The following SLCO2A1 variants were observed in gnomAD, a reference collection of about 807,000 sequenced individuals.
SLCO2A1 encodes the protein matrin F/G 1.
Under a neutral mutation model 71.7 loss-of-function variants are expected in SLCO2A1, and 60 were observed. The observed-to-expected ratio is 0.84, with a 90% CI of 0.68 to 1.04. The LOEUF is 1.04. Ranked by LOEUF, SLCO2A1 falls within the 50% of genes least tolerant of loss-of-function variation. The pLI, the probability that SLCO2A1 is intolerant of heterozygous loss-of-function variation, is 0.00. For synonymous variants in SLCO2A1, 308 were observed against 326.7 expected, an observed-to-expected ratio of 0.94 and a Z score of 0.62; for missense variants, 745 against 813.4, an observed-to-expected ratio of 0.92 and a Z score of 1.02.
chr3:133,962,882 T>C (rs1382538876), intron 3 of SLCO2A1, among the ~76,000 whole-genome samples: 1 of 152,310 alleles, frequency 6.6e-6, no homozygotes, highest in East Asian at 1.9e-4. Context: ...CACAGCCACC[T>C]GCCCCTATCT....
chr3:133,964,916 C>A (rs1934128535), intron 3 of SLCO2A1, among the ~76,000 whole-genome samples: 1 of 152,194 alleles, frequency 6.6e-6, no homozygotes, highest in African/African-American at 2.4e-5. Context: ...CTGGCACCAG[C>A]ACCTGGCTCG....
At chr3:133,948,078 A>G (rs1933633880) in intron 8 of SLCO2A1, among the ~76,000 whole-genome samples, 1 of 152,124 alleles carries the variant, frequency 6.6e-6, no homozygotes, top group Non-Finnish European at 1.5e-5. Flanking sequence ...GTGTTTTGTA[A>G]AGCTCTCCAG....
At chr3:134,013,906 T>C (rs1935390058) in intron 1 of SLCO2A1, among the ~76,000 whole-genome samples, 1 of 152,060 alleles carries the variant, frequency 6.6e-6, no homozygotes, top group African/African-American at 2.4e-5. Flanking sequence ...CTCACGCACC[T>C]TGTCCTACCC....
intron 1 of SLCO2A1, among the ~76,000 whole-genome samples, chr3:134,016,227 T>C (rs989827769): frequency 6.6e-6 from 1 of 151,490 alleles, no homozygotes; most frequent in Non-Finnish European, 1.5e-5. Flanking sequence ...AAATACCTTG[T>C]TAAGAGGATG....
At position 133,979,095 on chromosome 3, in the gene SLCO2A1, A is replaced by G. The variant is rs140711991; in HGVS notation, c.234+386T>C. Among the ~76,000 whole-genome samples the G allele has an allele frequency of 2.2e-3, 330 of 152,326 alleles. 9 individuals are homozygous for G. Among genetic ancestry groups the G allele is most frequent in the Admixed American group, 0.02 (303 of 15,314 alleles). Reference sequence around the variant, plus strand: ...GGGCAGGGGCCCCACAGGCTGGCAGATTGCACAGAACTAAATTAGAAGCAC... The same window carrying G: ...GGGCAGGGGCCCCACAGGCTGGCAGGTTGCACAGAACTAAATTAGAAGCAC... On this transcript the variant is annotated intron_variant, in intron 2 of 13. Transcript: ENST00000310926.
intron 1 of SLCO2A1, among the ~76,000 whole-genome samples, chr3:134,001,825 TC>T (rs1935108657): frequency 6.6e-6 from 1 of 152,068 alleles, no homozygotes; most frequent in Non-Finnish European, 1.5e-5. Context: ...TGCTTGCTCC[TC>T]TCCTATCAGA....
At chr3:133,999,070 A>G (rs1013179437) in intron 1 of SLCO2A1, among the ~76,000 whole-genome samples, 1 of 152,142 alleles carries the variant, frequency 6.6e-6, no homozygotes, top group African/African-American at 2.4e-5. Context: ...CCTCGCCAGG[A>G]TGCCTTTCCT....
chr3:133,955,794 C>T (rs1933885707), intron 3 of SLCO2A1, among the ~76,000 whole-genome samples: 1 of 152,218 alleles, frequency 6.6e-6, no homozygotes, highest in Non-Finnish European at 1.5e-5. Context: ...CTGCCAAAGA[C>T]ATTTAATATC....
intron 1 of SLCO2A1, among the ~76,000 whole-genome samples, chr3:134,001,265 C>T (rs553607872): frequency 1.3e-5 from 2 of 152,286 alleles, no homozygotes; most frequent in African/African-American, 4.8e-5. Flanking sequence ...CCCACGCCAC[C>T]GTGCCCAACT....
intron 11 of SLCO2A1, among the ~76,000 whole-genome samples, chr3:133,939,315 G>A (rs1177724805): frequency 2.0e-5 from 3 of 152,152 alleles, no homozygotes; most frequent in Non-Finnish European, 2.9e-5. Flanking sequence ...AGAGAGGGAG[G>A]ACACCTCCAC....
chr3:133,950,936 TA>T, intron 6 of SLCO2A1: 1 of 442,200 alleles, frequency 2.3e-6, no homozygotes, highest in Non-Finnish European at 4.2e-6. Context: ...TCAATTTAGA[TA>T]AGCTCAGTGT....
chr3:134,020,532 A>G (rs147067692), intron 1 of SLCO2A1, among the ~76,000 whole-genome samples: 1,654 of 152,346 alleles, frequency 0.011, 32 homozygotes, highest in African/African-American at 0.036. Context: ...GCAGGCCCCC[A>G]TAGAGGAGCA....
chr3:134,007,328 T>C (rs1278029964), intron 1 of SLCO2A1, among the ~76,000 whole-genome samples: 2 of 152,244 alleles, frequency 1.3e-5, no homozygotes, highest in Non-Finnish European at 2.9e-5. Flanking sequence ...TTTGATGTAA[T>C]ACAATTTATC....
chr3:133,936,425 A>G (rs1225428515), intron 12 of SLCO2A1, among the ~76,000 whole-genome samples: 19 of 152,086 alleles, frequency 1.2e-4, no homozygotes, highest in Admixed American at 1.2e-3. Context: ...GCCCTATTGG[A>G]TTAGACAACA....
intron 1 of SLCO2A1, among the ~76,000 whole-genome samples, chr3:133,983,694 A>G (rs1315710701): frequency 6.6e-6 from 1 of 152,204 alleles, no homozygotes; most frequent in East Asian, 1.9e-4. Flanking sequence ...TTGTGTGTCT[A>G]GTTCAAGGTT....
intron 1 of SLCO2A1, among the ~76,000 whole-genome samples, chr3:133,999,191 C>T (rs763223296): frequency 2.0e-5 from 3 of 152,182 alleles, no homozygotes; most frequent in Non-Finnish European, 2.9e-5. Flanking sequence ...CATGGAGATA[C>T]ACTCCTGAAG....
chr3:133,979,358 C>G (rs1330031208), intron 2 of SLCO2A1, 123 bp downstream of exon 2: 2 of 1,240,718 alleles, frequency 1.6e-6, no homozygotes, highest in Non-Finnish European at 2.3e-6. Context: ...TTTGCTGTTA[C>G]CCGGCAGAAA....
intron 1 of SLCO2A1, among the ~76,000 whole-genome samples, chr3:134,001,635 G>C (rs1371358912): frequency 6.6e-6 from 1 of 152,248 alleles, no homozygotes; most frequent in East Asian, 1.9e-4. Flanking sequence ...AACATCTGCA[G>C]GGTCTGGGTA....
At chr3:133,950,691 G>A (rs139869274) in intron 6 of SLCO2A1, among the ~76,000 whole-genome samples, 1 of 152,234 alleles carries the variant, frequency 6.6e-6, no homozygotes, top group Non-Finnish European at 1.5e-5. Context: ...CTTGCTCTCC[G>A]TTCTCATCCT....
Sources: gnomAD v4.1 joint callset for allele counts (sites outside exome capture counted in the v4.1 genomes callset) on GRCh38, gnomAD v4.1.1 for gene constraint, MANE v1.5 for transcripts, NCBI Gene and HGNC (gene_info 2026-07-23, HGNC 2026-07-21) for gene names.